The following SLC16A10 variants were observed in gnomAD, a reference collection of about 807,000 sequenced individuals.
SLC16A10 encodes the protein solute carrier family 16 member 10.
A neutral mutation model predicts 40.0 loss-of-function variants in SLC16A10; 27 were observed. That is an observed-to-expected ratio of 0.67 (90% CI 0.50 to 0.93). The LOEUF (loss-of-function observed/expected upper bound fraction) is 0.93, where lower values mean the gene tolerates loss of function less well. Ranked by LOEUF, SLC16A10 falls within the 40% of genes least tolerant of loss-of-function variation. SLC16A10 has a pLI of 0.00. For missense variants in SLC16A10, 529 were observed against 658.2 expected, an observed-to-expected ratio of 0.80 and a Z score of 2.15; for synonymous variants, 213 against 249.8, an observed-to-expected ratio of 0.85 and a Z score of 1.39.
At chr6:111,220,229 C>G (rs907920340) in intron 5 of SLC16A10, among the ~76,000 whole-genome samples, 1 of 152,146 alleles carries the variant, frequency 6.6e-6, no homozygotes, top group African/African-American at 2.4e-5. Flanking sequence ...ATGAAGTGTC[C>G]TTTTGGCATG....
chr6:111,153,565 G>T (rs962272535), intron 1 of SLC16A10, among the ~76,000 whole-genome samples: 1 of 152,018 alleles, frequency 6.6e-6, no homozygotes, highest in African/African-American at 2.4e-5. Flanking sequence ...AACAATAAAA[G>T]CAGTGTGGTT....
intron 1 of SLC16A10, among the ~76,000 whole-genome samples, chr6:111,148,993 G>A (rs1301338732): frequency 6.6e-6 from 1 of 152,086 alleles, no homozygotes; most frequent in East Asian, 1.9e-4. Flanking sequence ...AATTGATACT[G>A]CTTGACAAAG....
chr6:111,218,833 T>C lies in SLC16A10; in HGVS notation c.1106T>C (p.Ile369Thr), dbSNP rs961393860. Reference protein sequence around the residue: ...VYLQVLSFFFIGLMSMMIPLC... With the variant: ...VYLQVLSFFFTGLMSMMIPLC... ...TCCTAGGTACTCTCCTTTTTCTTCA[T>C]TGGTCTGATGTCCATGATGATTCCT... is the stretch of plus-strand genomic sequence containing the variant. The change falls in exon 5 of 6, where the codon ATT becomes ACT. Residue 369 changes from isoleucine to threonine, a missense_variant. Coordinates refer to ENST00000368851, the MANE Select transcript of SLC16A10 (RefSeq NM_018593.5). The C allele has an allele frequency of 1.2e-6, 2 of 1,614,178 alleles. No homozygotes were observed. The highest frequency in any genetic ancestry group is 1.7e-6 in the Non-Finnish European group (2 of 1,180,032).
intron 3 of SLC16A10, among the ~76,000 whole-genome samples, chr6:111,198,469 T>C (rs974240990): frequency 3.3e-5 from 5 of 152,164 alleles, no homozygotes; most frequent in African/African-American, 1.2e-4. Flanking sequence ...GCAAACATCA[T>C]AGAGTGTACT....
chr6:111,089,684 A>G (rs1302151788), intron 1 of SLC16A10, among the ~76,000 whole-genome samples: 2 of 152,182 alleles, frequency 1.3e-5, no homozygotes, highest in East Asian at 3.8e-4. Flanking sequence ...AATAGCAAAC[A>G]AAAATAGTTT....
At chr6:111,193,424 C>A (rs757714262) in intron 3 of SLC16A10, 29 of 564,752 alleles carry the variant, frequency 5.1e-5, no homozygotes, top group Non-Finnish European at 6.5e-5. Flanking sequence ...TATCTGACCA[C>A]TTGTTTACTC....
chr6:111,133,291 T>C (rs190487062), intron 1 of SLC16A10, among the ~76,000 whole-genome samples: 1 of 152,220 alleles, frequency 6.6e-6, no homozygotes, highest in Admixed American at 6.5e-5. Flanking sequence ...GAATAAACAT[T>C]AGGACCATAG....
At chr6:111,140,463 CA>C (rs1256587762) in intron 1 of SLC16A10, among the ~76,000 whole-genome samples, 60 of 139,120 alleles carry the variant, frequency 4.3e-4, no homozygotes, top group Admixed American at 3.6e-4. Flanking sequence ...ACCCTGTCTC[CA>C]AAAAAAAAAA....
intron 1 of SLC16A10, among the ~76,000 whole-genome samples, chr6:111,158,188 T>G (rs1178648216): frequency 6.6e-6 from 1 of 152,182 alleles, no homozygotes; most frequent in African/African-American, 2.4e-5. Context: ...TAAAGTGAAC[T>G]TTATAATGAA....
chr6:111,123,058 A>G (rs1562403965), intron 1 of SLC16A10, among the ~76,000 whole-genome samples: 1 of 152,336 alleles, frequency 6.6e-6, no homozygotes, highest in South Asian at 2.1e-4. Flanking sequence ...AAAGATCAGC[A>G]TGATCTTGGA....
chr6:111,214,714 A>C (rs1171836753), intron 4 of SLC16A10, among the ~76,000 whole-genome samples: 1 of 152,252 alleles, frequency 6.6e-6, no homozygotes, highest in Non-Finnish European at 1.5e-5. Context: ...AAAATGAAAA[A>C]ATTTTACATT....
intron 1 of SLC16A10, among the ~76,000 whole-genome samples, chr6:111,138,688 C>T (rs1241913784): frequency 6.6e-6 from 1 of 151,452 alleles, no homozygotes; most frequent in African/African-American, 2.4e-5. Context: ...TTGCTTGAAT[C>T]TTGCTGAGGC....
At chr6:111,114,059 G>A (rs1771440651) in intron 1 of SLC16A10, among the ~76,000 whole-genome samples, 2 of 152,156 alleles carry the variant, frequency 1.3e-5, no homozygotes, top group Non-Finnish European at 2.9e-5. Flanking sequence ...GATCAAACAA[G>A]CAGGGAATTT....
chr6:111,108,209 G>A (rs1771319105), intron 1 of SLC16A10, among the ~76,000 whole-genome samples: 1 of 151,940 alleles, frequency 6.6e-6, no homozygotes, highest in African/African-American at 2.4e-5. Flanking sequence ...TAGTAGAGAT[G>A]GGGTTTCACC....
At chr6:111,119,655 T>C (rs889533463) in intron 1 of SLC16A10, among the ~76,000 whole-genome samples, 2 of 152,152 alleles carry the variant, frequency 1.3e-5, no homozygotes, top group Non-Finnish European at 2.9e-5. Context: ...AATCCATATT[T>C]TGAAGCTCAA....
intron 1 of SLC16A10, among the ~76,000 whole-genome samples, chr6:111,136,489 G>T (rs551916503): frequency 6.6e-6 from 1 of 152,220 alleles, no homozygotes; most frequent in Non-Finnish European, 1.5e-5. Flanking sequence ...AAGAAGACTG[G>T]TGGCTGTCAG....
intron 3 of SLC16A10, among the ~76,000 whole-genome samples, chr6:111,183,015 CTATG>C (rs1464234843): frequency 1.3e-5 from 2 of 152,180 alleles, no homozygotes; most frequent in Admixed American, 6.5e-5. Context: ...AGTTTGTTCT[CTATG>C]AAGAAGCCAC....
chr6:111,167,558 T>C (rs760584644), intron 1 of SLC16A10, among the ~76,000 whole-genome samples: 21 of 151,908 alleles, frequency 1.4e-4, no homozygotes, highest in Non-Finnish European at 2.8e-4. Flanking sequence ...GGGGGGAAAA[T>C]ATATATTAGG....
chr6:111,140,497 G>C (rs1347105831), intron 1 of SLC16A10, among the ~76,000 whole-genome samples: 1 of 151,630 alleles, frequency 6.6e-6, no homozygotes, highest in East Asian at 1.9e-4. Context: ...AATGTTACCA[G>C]CCCAACTGCA....
Sources: allele counts gnomAD v4.1 joint callset (sites outside exome capture counted in the v4.1 genomes callset), GRCh38; gene constraint gnomAD v4.1.1; transcripts MANE v1.5; gene names NCBI Gene and HGNC (gene_info 2026-07-23, HGNC 2026-07-21).